The following QTMAN variants were observed in gnomAD, a reference collection of about 807,000 sequenced individuals.
The protein encoded by QTMAN is tRNA-queuosine alpha-mannosyltransferase.
chr2:143,999,905 TA>T, the QTMAN span, among the ~76,000 whole-genome samples: 2 of 152,120 alleles, frequency 1.3e-5, no homozygotes, highest in East Asian at 3.9e-4. Context: ...GATATTCTAT[TA>T]TAACAGTACC....
chr2:144,020,885 T>C, the QTMAN span, among the ~76,000 whole-genome samples: 6 of 149,798 alleles, frequency 4.0e-5, no homozygotes, highest in African/African-American at 1.5e-4. Flanking sequence ...TAAAGAGTGC[T>C]TGCAATTAAA....
At chr2:144,040,674 G>A in the QTMAN span, among the ~76,000 whole-genome samples, 5 of 152,148 alleles carry the variant, frequency 3.3e-5, no homozygotes. Context: ...CAAAATAACA[G>A]TTTATGAGGA....
At chr2:144,288,612 C>T in the QTMAN span, among the ~76,000 whole-genome samples, 45 of 152,178 alleles carry the variant, frequency 3.0e-4, no homozygotes, top group Non-Finnish European at 1.0e-4. Flanking sequence ...TAAAGAAATT[C>T]CAACAATTCC....
the QTMAN span, among the ~76,000 whole-genome samples, chr2:144,133,189 ATT>A: frequency 3.2e-3 from 181 of 57,172 alleles, 2 homozygotes; most frequent in African/African-American, 0.022. Context: ...TATAATATAA[ATT>A]TATATATATA....
At chr2:144,290,526 T>C in the QTMAN span, among the ~76,000 whole-genome samples, 1 of 152,276 alleles carries the variant, frequency 6.6e-6, no homozygotes, top group African/African-American at 2.4e-5. Context: ...ATCACTCTGC[T>C]TAAAATCCTC....
chr2:144,035,387 A>G, the QTMAN span, among the ~76,000 whole-genome samples: 1 of 152,208 alleles, frequency 6.6e-6, no homozygotes, highest in Non-Finnish European at 1.5e-5. Flanking sequence ...AGCAACCTTC[A>G]ACAGAAATGG....
the QTMAN span, among the ~76,000 whole-genome samples, chr2:144,014,507 G>A: frequency 6.6e-6 from 1 of 152,146 alleles, no homozygotes; most frequent in African/African-American, 2.4e-5. Context: ...AGGATCCACA[G>A]AGACTAGCTA....
chr2:144,116,828 C>T, the QTMAN span, among the ~76,000 whole-genome samples: 3 of 152,162 alleles, frequency 2.0e-5, no homozygotes, highest in South Asian at 2.1e-4. Flanking sequence ...GGGAGCCCAA[C>T]TGTAGTTTAG....
the QTMAN span, among the ~76,000 whole-genome samples, chr2:144,020,272 A>T: frequency 6.6e-6 from 1 of 151,902 alleles, no homozygotes; most frequent in Non-Finnish European, 1.5e-5. Context: ...TTCCCAAGAC[A>T]CCCTGGCCTG....
At chr2:144,050,729 T>G in the QTMAN span, among the ~76,000 whole-genome samples, 1 of 152,146 alleles carries the variant, frequency 6.6e-6, no homozygotes, top group Non-Finnish European at 1.5e-5. Flanking sequence ...ATTTAAACCT[T>G]TTGTCAGTAG....
At chr2:144,168,937 G>A in the QTMAN span, among the ~76,000 whole-genome samples, 2 of 151,452 alleles carry the variant, frequency 1.3e-5, no homozygotes, top group South Asian at 2.1e-4. Flanking sequence ...TTTTATTATC[G>A]TTCTCCGTAG....
At chr2:144,009,446 C>T in the QTMAN span, among the ~76,000 whole-genome samples, 5 of 152,104 alleles carry the variant, frequency 3.3e-5, no homozygotes, top group South Asian at 4.1e-4. Flanking sequence ...GAGCTAGAAA[C>T]AAGGTCTTTG....
the QTMAN span, among the ~76,000 whole-genome samples, chr2:143,981,196 C>T: frequency 6.6e-6 from 1 of 152,182 alleles, no homozygotes; most frequent in South Asian, 2.1e-4. Context: ...ACCGACACAT[C>T]AGAGAAACCC....
chr2:144,212,598 A>G, the QTMAN span, among the ~76,000 whole-genome samples: 5 of 152,212 alleles, frequency 3.3e-5, no homozygotes, highest in Admixed American at 6.5e-5. Flanking sequence ...TCCTTTCTGC[A>G]TGGCGCTCAG....
chr2:144,186,114 G>GTA, the QTMAN span, among the ~76,000 whole-genome samples: 2 of 152,128 alleles, frequency 1.3e-5, no homozygotes, highest in African/African-American at 4.8e-5. Context: ...GCCCAGAAGA[G>GTA]TATGGGTCAA....
chr2:144,242,516 A>T, the QTMAN span, among the ~76,000 whole-genome samples: 1 of 152,204 alleles, frequency 6.6e-6, no homozygotes, highest in Non-Finnish European at 1.5e-5. Context: ...GCAGCTTTAC[A>T]TAAGAAACAG....
At chr2:144,019,571 A>T in the QTMAN span, among the ~76,000 whole-genome samples, 1 of 152,022 alleles carries the variant, frequency 6.6e-6, no homozygotes, top group Non-Finnish European at 1.5e-5. Context: ...CTCTATATAG[A>T]GGTACACTTG....
At chr2:144,182,280 TA>T in the QTMAN span, among the ~76,000 whole-genome samples, 1 of 152,124 alleles carries the variant, frequency 6.6e-6, no homozygotes, top group Non-Finnish European at 1.5e-5. Context: ...TACCTTTTCT[TA>T]AAATAGATAA....
chr2:144,270,695 C>T, the QTMAN span, among the ~76,000 whole-genome samples: 1 of 152,188 alleles, frequency 6.6e-6, no homozygotes, highest in African/African-American at 2.4e-5. Flanking sequence ...GGGAGAAATA[C>T]CTAATGCATA....
Sources: gnomAD v4.1 joint callset for allele counts (sites outside exome capture counted in the v4.1 genomes callset) on GRCh38, gnomAD v4.1.1 for gene constraint, MANE v1.5 for transcripts, NCBI Gene and HGNC (gene_info 2026-07-23, HGNC 2026-07-21) for gene names.